The following COL27A1 variants were observed in gnomAD, a reference collection of about 807,000 sequenced individuals.
COL27A1 encodes collagen alpha-1(XXVII) chain.
COL27A1 carries 106 observed loss-of-function variants against 251.3 expected under a neutral mutation model. The ratio of observed to expected loss-of-function variants is 0.42; its 90% confidence interval spans 0.36 to 0.50. COL27A1 has a LOEUF of 0.50. Ranked by LOEUF, COL27A1 falls within the 20% of genes least tolerant of loss-of-function variation. The probability of loss-of-function intolerance (pLI) is 0.00; values close to 1 mark genes in which losing one functional copy is unlikely to be tolerated. For missense variants in COL27A1, 2,325 were observed against 2,522.8 expected, an observed-to-expected ratio of 0.92 and a Z score of 1.68; for synonymous variants, 1,000 against 986.3, an observed-to-expected ratio of 1.01 and a Z score of -0.26.
Position 114,168,406 on chromosome 9 carries a change from C to G in COL27A1, c.851C>G (p.Ala284Gly). 3 of 1,613,504 alleles carry G rather than the reference C, an allele frequency of 1.9e-6. No homozygotes were observed. In the South Asian group the frequency reaches 3.3e-5, roughly 18 times the overall value. Reference sequence around the variant, plus strand: ...ACACCAGCCCTGGGGTCACTGCCAGCAGGCAGGGGACCCAGGGGGACTGTG... The same window carrying G: ...ACACCAGCCCTGGGGTCACTGCCAGGAGGCAGGGGACCCAGGGGGACTGTG... ...TATPALGSLP[A>G]GRGPRGTVAP... The change falls in exon 3 of 61, where the codon GCA (alanine) becomes GGA (glycine). Residue 284 changes from alanine to glycine, a missense_variant. Coordinates refer to ENST00000356083, the MANE Select transcript of COL27A1 (RefSeq NM_032888.4).
intron 10 of COL27A1, among the ~76,000 whole-genome samples, chr9:114,208,982 A>T (rs1047961716): frequency 6.6e-6 from 1 of 152,128 alleles, no homozygotes; most frequent in African/African-American, 2.4e-5. Flanking sequence ...GACGAGCCCC[A>T]GCTGTGGAGT....
chr9:114,300,779 C>A, intron 51 of COL27A1, 92 bp downstream of exon 51: 2 of 1,096,208 alleles, frequency 1.8e-6, no homozygotes, highest in Non-Finnish European at 2.6e-6. Flanking sequence ...CCTCCTCTTG[C>A]TCCTTGACTC....
chr9:114,264,551 C>T (rs1212039864), intron 29 of COL27A1, 143 bp downstream of exon 29: 2 of 614,644 alleles, frequency 3.3e-6, no homozygotes, highest in Non-Finnish European at 5.3e-6. Flanking sequence ...TTTCTGAGAG[C>T]TTAGCCCTTC....
intron 10 of COL27A1, among the ~76,000 whole-genome samples, chr9:114,208,616 C>G (rs1830137220): frequency 1.3e-5 from 2 of 152,084 alleles, no homozygotes; most frequent in South Asian, 4.2e-4. Context: ...ATCATTCCAC[C>G]AAGAGTGGCA....
chr9:114,290,385 G>A lies in COL27A1; in HGVS notation c.4368+54G>A. 6.9e-7 allele frequency: 1 copy of A among 1,457,194 alleles called. No individual in the cohort carries two copies. The highest frequency in any genetic ancestry group is 9.4e-7 in the Non-Finnish European group (1 of 1,061,580). 90.3% of individuals were successfully genotyped at this position (1,457,194 alleles called of 1,614,324 possible). A position where few individuals can be genotyped will look rare whatever the true frequency, so the allele number is the denominator to read the frequency against. On this transcript the variant is annotated intron_variant, in intron 47 of 60. Transcript: ENST00000356083. This position sits in a 1 kb window ranked among gnomAD's most constrained non-coding sequence, Gnocchi z 4.6. ...TGGCTCCATTTGGGACCAGGTGTAGGGGAACTTCCCCAGGCCATGGGCCAG... is the reference window on the plus strand; with the variant it reads ...TGGCTCCATTTGGGACCAGGTGTAGAGGAACTTCCCCAGGCCATGGGCCAG...
At chr9:114,301,366 G>T in intron 53 of COL27A1, 47 bp downstream of exon 53, 1 of 1,612,406 alleles carries the variant, frequency 6.2e-7, no homozygotes, top group Non-Finnish European at 8.5e-7. Context: ...GCAGGGGCGG[G>T]GGAGGGGTGG....
At chr9:114,175,671 C>T (rs1280331258) in intron 3 of COL27A1, among the ~76,000 whole-genome samples, 1 of 152,194 alleles carries the variant, frequency 6.6e-6, no homozygotes, top group Non-Finnish European at 1.5e-5. Flanking sequence ...TGAGGTCAGA[C>T]TCTATCCTGG....
chr9:114,285,999 T>TG (rs1827456031), intron 41 of COL27A1, among the ~76,000 whole-genome samples: 1 of 152,162 alleles, frequency 6.6e-6, no homozygotes, highest in African/African-American at 2.4e-5. Flanking sequence ...GAGGTCAAGG[T>TG]GGGGGCAGAA....
intron 10 of COL27A1, among the ~76,000 whole-genome samples, chr9:114,208,782 G>C (rs374535089): frequency 2.6e-5 from 4 of 152,144 alleles, no homozygotes; most frequent in Non-Finnish European, 5.9e-5. Context: ...GGATGGGGGG[G>C]AGAGATTGCT....
intron 5 of COL27A1, among the ~76,000 whole-genome samples, chr9:114,186,972 C>A (rs913634492): frequency 7.9e-5 from 12 of 152,184 alleles, no homozygotes; most frequent in Non-Finnish European, 1.5e-5. Flanking sequence ...CTGCACTGGG[C>A]CATGAGGCTC....
At chr9:114,304,216 G>A (rs958125363) in intron 56 of COL27A1, among the ~76,000 whole-genome samples, 4 of 152,220 alleles carry the variant, frequency 2.6e-5, no homozygotes, top group African/African-American at 9.6e-5. Flanking sequence ...AGGTCCTCCA[G>A]GCAATGAGAA....
At chr9:114,235,460 C>T (rs1017376872) in intron 16 of COL27A1, 139 bp from the exon 17 acceptor site, 9 of 757,452 alleles carry the variant, frequency 1.2e-5, no homozygotes, top group African/African-American at 1.0e-4. Context: ...CCGTCCTTTC[C>T]TCTCACAAGG....
At position 114,300,707 on chromosome 9, in the gene COL27A1, T is replaced by C. The variant is rs1012157408; in HGVS notation, c.4701+20T>C. ...TTGATGGTGAGTTCCCTCCCTGCTGTCGGAGCAGAGATGATTGTCCTAGGC... is the reference window on the plus strand; with the variant it reads ...TTGATGGTGAGTTCCCTCCCTGCTGCCGGAGCAGAGATGATTGTCCTAGGC... On this transcript the variant is annotated intron_variant, in intron 51 of 60. Coordinates refer to ENST00000356083, the MANE Select transcript of COL27A1 (RefSeq NM_032888.4). The C allele has an allele frequency of 6.7e-7, 1 of 1,491,248 alleles. No homozygotes were observed. Among genetic ancestry groups the C allele is most frequent in the Non-Finnish European group, 8.9e-7 (1 of 1,121,822 alleles). The allele number at this position is 1,491,248 out of a possible 1,614,324, so 92.4% of individuals were successfully genotyped here.
At chr9:114,237,205 T>G (rs543883288) in intron 18 of COL27A1, among the ~76,000 whole-genome samples, 171 bp downstream of exon 18, 1 of 152,304 alleles carries the variant, frequency 6.6e-6, no homozygotes, top group African/African-American at 2.4e-5. Context: ...ATGAGGATAC[T>G]GTGAGAGGCT....
intron 57 of COL27A1, 186 bp from the exon 58 acceptor site, chr9:114,306,334 C>T: frequency 1.7e-6 from 1 of 594,268 alleles, no homozygotes; most frequent in South Asian, 2.1e-5. Flanking sequence ...GATAGCCTCT[C>T]CTCCTGCACT....
chr9:114,186,694 A>T (rs1271262889), intron 5 of COL27A1, among the ~76,000 whole-genome samples: 1 of 152,208 alleles, frequency 6.6e-6, no homozygotes, highest in Non-Finnish European at 1.5e-5. Context: ...TTCGGACTTT[A>T]TCCAAAGAGC....
intron 7 of COL27A1, among the ~76,000 whole-genome samples, chr9:114,200,720 T>G (rs570446923): frequency 6.6e-6 from 1 of 152,328 alleles, no homozygotes; most frequent in South Asian, 2.1e-4. Flanking sequence ...AGAGGCACCT[T>G]GTCCAGCATC....
chr9:114,200,103 G>A (rs1829463993), intron 7 of COL27A1, among the ~76,000 whole-genome samples: 1 of 152,144 alleles, frequency 6.6e-6, no homozygotes. Flanking sequence ...GTGTGTCTGG[G>A]GAAATGTGAT....
Position 114,167,779 on chromosome 9 carries a change from T to A in COL27A1, c.224T>A (p.Ile75Asn), listed in dbSNP as rs777313693. The change falls in exon 3 of 61, where the codon ATC becomes AAC. Residue 75 changes from isoleucine (I) to asparagine (N), a missense_variant. Coordinates refer to ENST00000356083, the MANE Select transcript of COL27A1 (RefSeq NM_032888.4). ...GTCATTCCTTTCCAGTCGGGCTTCATCTTTACGCAGCGGGCCCGGCTCCAG... is the reference window on the plus strand; with the variant it reads ...GTCATTCCTTTCCAGTCGGGCTTCAACTTTACGCAGCGGGCCCGGCTCCAG... ...PGVIPFQSGF[I>N]FTQRARLQAP... 1.2e-6 allele frequency: 2 copies of A among 1,613,744 alleles called. No individual in the cohort carries two copies. Among genetic ancestry groups the A allele is most frequent in the South Asian group, 2.2e-5 (2 of 91,088 alleles).
Sources: allele counts gnomAD v4.1 joint callset (sites outside exome capture counted in the v4.1 genomes callset), GRCh38; gene constraint gnomAD v4.1.1; non-coding constraint Gnocchi (gnomAD v3.1); transcripts MANE v1.5; gene names NCBI Gene and HGNC (gene_info 2026-07-23, HGNC 2026-07-21).